Variants in IREB2 observed in about 807,000 individuals in gnomAD.
IREB2 encodes iron responsive element binding protein 2, also known as iron-responsive element-binding protein 2.
IREB2 carries 39 observed loss-of-function variants against 118.8 expected under a neutral mutation model. That is an observed-to-expected ratio of 0.33 (90% CI 0.25 to 0.43). IREB2 has a LOEUF of 0.43. IREB2 is among the 20% of genes least tolerant of loss of function. The pLI, the probability that IREB2 is intolerant of heterozygous loss-of-function variation, is 1.00. For missense variants in IREB2, 900 were observed against 1,147.3 expected (o/e 0.78, Z 3.11); for synonymous variants, 372 against 392.2 (o/e 0.95, Z 0.61).
In IREB2 at chr15:78,500,964, G is replaced by T. The variant is rs550260123; in HGVS notation, c.*2821G>T. On this transcript the variant is annotated 3_prime_UTR_variant, in exon 22 of 22. Transcript: ENST00000258886. ...TGCCTGCATATATGGTAACAAGGTC[G>T]TGTGCATTTGCTTTCACAGTGATGA... 2.0e-5 allele frequency: 3 copies of T among 152,324 alleles called. No homozygotes were observed. In the East Asian group the frequency reaches 5.8e-4, roughly 29 times the overall value. The allele number at this position is 152,324 out of a possible 1,614,324, so 9.4% of individuals were successfully genotyped here.
At position 78,478,319 on chromosome 15, in the gene IREB2, A is replaced by C; in HGVS notation, c.1218A>C (p.Glu406Asp). 6.2e-7 allele frequency: 1 copy of C among 1,613,088 alleles called. No homozygotes were observed. The highest frequency in any genetic ancestry group is 8.5e-7 in the Non-Finnish European group (1 of 1,179,134). ...TAGGTTTTAGCAAAGCCAAACTCGA[A>C]TCAATGGAAACATACCTTAAAGCTG... ...EHTGFSKAKL[E>D]SMETYLKAVK... The change falls in exon 10 of 22, where the codon GAA becomes GAC. Residue 406 changes from glutamate to aspartate, a missense_variant. Physicochemically the swap from Glu to Asp is conservative, Grantham distance 45 (BLOSUM62 2). Transcript: ENST00000258886.
chr15:78,478,127 G>A (rs1035150288), intron 9 of IREB2, among the ~76,000 whole-genome samples, 170 bp from the exon 10 acceptor site: 1 of 151,854 alleles, frequency 6.6e-6, no homozygotes, highest in Non-Finnish European at 1.5e-5. Context: ...GGTGCTACTT[G>A]GGAGGCTGAC....
At chr15:78,479,687 A>G (rs1361221673) in intron 10 of IREB2, among the ~76,000 whole-genome samples, 1 of 152,172 alleles carries the variant, frequency 6.6e-6, no homozygotes, top group African/African-American at 2.4e-5. Context: ...GTATTTTGCA[A>G]AATTCCGCTA....
In IREB2 at chr15:78,499,046, A is replaced by C. The variant is rs1218606108; in HGVS notation, c.*903A>C. 6.6e-6 allele frequency: 1 copy of C among 152,210 alleles called. No homozygotes were observed. Among genetic ancestry groups the C allele is most frequent in the Non-Finnish European group, 1.5e-5 (1 of 68,032 alleles). The allele number at this position is 152,210 out of a possible 1,614,324, so 9.4% of individuals were successfully genotyped here. On this transcript the variant is annotated 3_prime_UTR_variant, in exon 22 of 22. Transcript: ENST00000258886. ...TATTCAATCATTAAACTCTGAACTG[A>C]TTTCTTCTATACATTTAAATTATCC...
intron 8 of IREB2, chr15:78,475,969 T>G: frequency 2.7e-6 from 1 of 372,806 alleles, no homozygotes; most frequent in Non-Finnish European, 4.8e-6. Context: ...CAGGCCCCTT[T>G]CTACCCTGAT....
At chr15:78,480,572 C>G (rs1476847076) in intron 10 of IREB2, among the ~76,000 whole-genome samples, 1 of 151,176 alleles carries the variant, frequency 6.6e-6, no homozygotes, top group African/African-American at 2.4e-5. Context: ...GCCTGTAATC[C>G]CAGCTACTCA....
upstream of IREB2, chr15:78,438,194 G>A (rs2050782009): frequency 1.5e-6 from 1 of 666,740 alleles, no homozygotes; most frequent in Admixed American, 2.3e-5. Context: ...GGCTGGCTCT[G>A]CTGCTCTCGC....
At chr15:78,468,010 C>G (rs1278298528) in intron 5 of IREB2, among the ~76,000 whole-genome samples, 4 of 152,094 alleles carry the variant, frequency 2.6e-5, no homozygotes, top group South Asian at 2.1e-4. Context: ...CAGGCATGCA[C>G]CACCATGCCT....
intron 5 of IREB2, among the ~76,000 whole-genome samples, chr15:78,467,316 A>T (rs1177769449): frequency 6.6e-6 from 1 of 152,160 alleles, no homozygotes; most frequent in Non-Finnish European, 1.5e-5. Context: ...GGTAACATGG[A>T]AAGTAGTAAA....
At chr15:78,453,291 A>G (rs1266401868) in intron 2 of IREB2, among the ~76,000 whole-genome samples, 1 of 152,080 alleles carries the variant, frequency 6.6e-6, no homozygotes. Flanking sequence ...AAAGGAGGTA[A>G]TTATTAGCTC....
chr15:78,491,215 A>G (rs1490874780), intron 18 of IREB2, among the ~76,000 whole-genome samples: 1 of 152,168 alleles, frequency 6.6e-6, no homozygotes, highest in Non-Finnish European at 1.5e-5. Flanking sequence ...TCAAAAGACA[A>G]TGAATTTCTG....
intron 2 of IREB2, among the ~76,000 whole-genome samples, chr15:78,449,859 G>A (rs1364721490): frequency 2.0e-5 from 3 of 152,060 alleles, no homozygotes; most frequent in African/African-American, 7.2e-5. Flanking sequence ...CTGATCAAAA[G>A]GATATTTATT....
At chr15:78,495,007 T>A (rs1179840340) in intron 20 of IREB2, among the ~76,000 whole-genome samples, 2 of 152,240 alleles carry the variant, frequency 1.3e-5, no homozygotes, top group Non-Finnish European at 2.9e-5. Flanking sequence ...TGCCTGGCTG[T>A]CTGCCAGGAG....
intron 16 of IREB2, among the ~76,000 whole-genome samples, chr15:78,490,028 G>GC (rs1341137611): frequency 1.3e-5 from 2 of 151,952 alleles, no homozygotes; most frequent in African/African-American, 4.8e-5. Flanking sequence ...ATTGAAACTT[G>GC]CCCCTTGGAG....
At position 78,500,581 on chromosome 15, in the gene IREB2, A is replaced by G. The variant is rs1210315331; in HGVS notation, c.*2438A>G. ...AAGGAAGTGTAATGTCAGACACACA[A>G]GAAAAGCAAATCAGTGTTGTAAGCT... On this transcript the variant is annotated 3_prime_UTR_variant, in exon 22 of 22. Coordinates refer to ENST00000258886, the MANE Select transcript of IREB2 (RefSeq NM_004136.4). The G allele has an allele frequency of 6.6e-6, 1 of 151,972 alleles. No individual in the cohort carries two copies. Among genetic ancestry groups the G allele is most frequent in the Non-Finnish European group, 1.5e-5 (1 of 68,018 alleles). The allele number at this position is 151,972 out of a possible 1,614,324, so 9.4% of individuals were successfully genotyped here.
intron 9 of IREB2, among the ~76,000 whole-genome samples, chr15:78,477,583 T>C (rs778294627): frequency 2.0e-5 from 3 of 152,174 alleles, no homozygotes; most frequent in African/African-American, 4.8e-5. Context: ...TTGTTTCTTG[T>C]TCATCACTGG....
chr15:78,484,260 G>A (rs1388020024), intron 11 of IREB2, among the ~76,000 whole-genome samples: 1 of 151,788 alleles, frequency 6.6e-6, no homozygotes, highest in East Asian at 1.9e-4. Context: ...TTGACTTTTT[G>A]TTCAGAAAGT....
chr15:78,465,482 GA>G, intron 4 of IREB2, 94 bp downstream of exon 4: 1 of 1,194,148 alleles, frequency 8.4e-7, no homozygotes. Context: ...ATTTATGGCA[GA>G]GAAAAGTATG....
At chr15:78,487,902 G>T in intron 14 of IREB2, 85 bp downstream of exon 14, 1 of 870,990 alleles carries the variant, frequency 1.1e-6, no homozygotes, top group South Asian at 1.6e-5. Context: ...ATATTGATGT[G>T]TTTATATTTC....
Sources: allele counts gnomAD v4.1 joint callset (sites outside exome capture counted in the v4.1 genomes callset), GRCh38; gene constraint gnomAD v4.1.1; transcripts MANE v1.5; gene names NCBI Gene and HGNC (gene_info 2026-07-23, HGNC 2026-07-21).